RBFOX1: variants seen among roughly 807,000 people sequenced by gnomAD.
The protein encoded by RBFOX1 is RNA binding fox-1 homolog 1.
A neutral mutation model predicts 57.7 loss-of-function variants in RBFOX1; 8 were observed. The observed-to-expected ratio is 0.14, with a 90% CI of 0.08 to 0.25. RBFOX1 has a LOEUF of 0.25. RBFOX1 is among the 10% of genes least tolerant of loss of function. The pLI is 1.00. For synonymous variants in RBFOX1, 326 were observed against 222.4 expected (o/e 1.47, Z -4.15); for missense variants, 611 against 548.5 (o/e 1.11, Z -1.14).
At chr16:7,406,428 C>G (rs1299421398) in intron 4 of RBFOX1, among the ~76,000 whole-genome samples, 1 of 152,182 alleles carries the variant, frequency 6.6e-6, no homozygotes, top group Non-Finnish European at 1.5e-5. Flanking sequence ...TGTTTTCATC[C>G]AGTCCCTTCC....
intron 3 of RBFOX1, among the ~76,000 whole-genome samples, chr16:6,683,140 G>A (rs1449583409): frequency 6.6e-6 from 1 of 152,124 alleles, no homozygotes; most frequent in East Asian, 1.9e-4. Flanking sequence ...CTAACTAGCA[G>A]ATGCGTATTT....
At chr16:6,913,408 C>A (rs978367410) in intron 3 of RBFOX1, among the ~76,000 whole-genome samples, 1 of 152,070 alleles carries the variant, frequency 6.6e-6, no homozygotes, top group Non-Finnish European at 1.5e-5. Flanking sequence ...CGGCAAGCCA[C>A]GGCATTGTTT....
rs560585954 is a variant in RBFOX1 at position 6,295,131 on chromosome 16, C to T, written c.-126-21864C>T. Among the ~76,000 whole-genome samples the T allele has an allele frequency of 5.3e-3, 557 of 105,390 alleles. 12 individuals carry two copies. The highest frequency in any genetic ancestry group is 0.02 in the African/African-American group (519 of 25,324). The allele number at this position is 105,390 out of a possible 152,430, so 69.1% of individuals were successfully genotyped here. ...TTTTTTTTTTTTTTTTTTTTTGAGA[C>T]GGGGTATCTCTCTGTCGGAGTCTCT... is the stretch of plus-strand genomic sequence containing the variant. On this transcript the variant is annotated intron_variant, in intron 1 of 15. Coordinates refer to ENST00000550418, the MANE Select transcript of RBFOX1 (RefSeq NM_018723.4).
At chr16:5,293,394 G>A (rs559021931) in intron 1 of RBFOX1, among the ~76,000 whole-genome samples, 1 of 152,122 alleles carries the variant, frequency 6.6e-6, no homozygotes. Context: ...CATCTTCAAT[G>A]AGATGTCCCT....
chr16:6,438,461 T>C (rs1331724864), intron 2 of RBFOX1, among the ~76,000 whole-genome samples: 4 of 152,164 alleles, frequency 2.6e-5, no homozygotes, highest in Admixed American at 1.3e-4. Flanking sequence ...TTTCATGGCA[T>C]AGGGCTGGAT....
At chr16:6,171,379 A>G (rs1251160491) in intron 1 of RBFOX1, among the ~76,000 whole-genome samples, 2 of 152,138 alleles carry the variant, frequency 1.3e-5, no homozygotes, top group African/African-American at 2.4e-5. Context: ...TCCACTTTCA[A>G]TGCATAAGGA....
chr16:6,325,406 C>T (rs1015798803), intron 2 of RBFOX1, among the ~76,000 whole-genome samples: 1 of 152,214 alleles, frequency 6.6e-6, no homozygotes, highest in Admixed American at 6.5e-5. Context: ...ATTTCACCTG[C>T]ATTCACCTTC....
chr16:6,395,517 CTTACTTTTTTT>C (rs1035399722), intron 2 of RBFOX1, among the ~76,000 whole-genome samples: 1 of 151,636 alleles, frequency 6.6e-6, no homozygotes, highest in African/African-American at 2.4e-5. Flanking sequence ...TATTTAAGTT[CTTACTTTTTTT>C]TTACTTTTAT....
intron 1 of RBFOX1, among the ~76,000 whole-genome samples, chr16:5,426,431 A>G (rs75260213): frequency 0.025 from 3,835 of 152,292 alleles, 72 homozygotes; most frequent in East Asian, 0.048. Flanking sequence ...CTAAAACCGT[A>G]CCCAGCGTTT....
chr16:7,518,221 G>T lies in RBFOX1; in HGVS notation c.102G>T (p.Gln34His). 6.2e-7 allele frequency: 1 copy of T among 1,614,120 alleles called. No homozygotes were observed. The highest frequency in any genetic ancestry group is 8.5e-7 in the Non-Finnish European group (1 of 1,180,004). ...CTTCGGCCCAGTTTGCTCCCCCGCAGAACGGTATCCCCGCGGAATACACGG... is the reference window on the plus strand; with the variant it reads ...CTTCGGCCCAGTTTGCTCCCCCGCATAACGGTATCCCCGCGGAATACACGG... ...PYASAQFAPPQNGIPAEYTAP... is the reference protein window; with the variant it reads ...PYASAQFAPPHNGIPAEYTAP... Residue 34 changes from glutamine to histidine, a missense_variant, in exon 5 of 16, where the codon CAG becomes CAT. By Grantham distance (24) the Gln-to-His change is conservative (BLOSUM62 0). Transcript: ENST00000550418.
At chr16:7,141,282 C>G (rs1217280343) in intron 4 of RBFOX1, among the ~76,000 whole-genome samples, 2 of 152,136 alleles carry the variant, frequency 1.3e-5, no homozygotes, top group African/African-American at 2.4e-5. Context: ...TCTATTCACA[C>G]CCAATATTTA....
At chr16:7,638,518 G>C (rs966562255) in intron 11 of RBFOX1, among the ~76,000 whole-genome samples, 1 of 152,162 alleles carries the variant, frequency 6.6e-6, no homozygotes, top group Non-Finnish European at 1.5e-5. Context: ...AACTCTATTT[G>C]GGCCAAGGCT....
intron 3 of RBFOX1, among the ~76,000 whole-genome samples, chr16:7,011,542 C>G (rs901255804): frequency 6.6e-6 from 1 of 152,162 alleles, no homozygotes; most frequent in Non-Finnish European, 1.5e-5. Context: ...GAGACGAAGT[C>G]TTGCTTTGTC....
chr16:7,536,112 C>G (rs1322616379), intron 5 of RBFOX1, among the ~76,000 whole-genome samples: 2 of 152,204 alleles, frequency 1.3e-5, no homozygotes, highest in Non-Finnish European at 2.9e-5. Flanking sequence ...TAAGAAAACA[C>G]TGTTTCTTCC....
At chr16:7,169,612 T>A (rs1042011050) in intron 4 of RBFOX1, among the ~76,000 whole-genome samples, 1 of 152,200 alleles carries the variant, frequency 6.6e-6, no homozygotes, top group Non-Finnish European at 1.5e-5. Flanking sequence ...GCATTATCAG[T>A]CCCATTTACC....
At chr16:6,598,075 G>A (rs1207586983) in intron 2 of RBFOX1, among the ~76,000 whole-genome samples, 1 of 152,162 alleles carries the variant, frequency 6.6e-6, no homozygotes, top group African/African-American at 2.4e-5. Flanking sequence ...TTGGTTTTCT[G>A]GTACTTGTGG....
intron 2 of RBFOX1, among the ~76,000 whole-genome samples, chr16:6,422,928 C>G (rs2093816501): frequency 6.6e-6 from 1 of 152,206 alleles, no homozygotes. Context: ...TTTTCTGTTC[C>G]TAGGTTAATT....
At chr16:6,683,686 C>T (rs1023550567) in intron 3 of RBFOX1, among the ~76,000 whole-genome samples, 2 of 152,138 alleles carry the variant, frequency 1.3e-5, no homozygotes, top group Non-Finnish European at 2.9e-5. Flanking sequence ...GCCCTCAGAT[C>T]TGCACACCCT....
At chr16:7,390,928 A>C (rs1381368077) in intron 4 of RBFOX1, among the ~76,000 whole-genome samples, 1 of 152,040 alleles carries the variant, frequency 6.6e-6, no homozygotes, top group Non-Finnish European at 1.5e-5. Context: ...ATCCAGGGAG[A>C]AGGATTTTTT....
Sources: gnomAD v4.1 joint callset for allele counts (sites outside exome capture counted in the v4.1 genomes callset) on GRCh38, gnomAD v4.1.1 for gene constraint, MANE v1.5 for transcripts, NCBI Gene and HGNC (gene_info 2026-07-23, HGNC 2026-07-21) for gene names.